The following AAR2 variants were observed in gnomAD, a reference collection of about 807,000 sequenced individuals.
The protein encoded by AAR2 is protein AAR2 homolog.
Under a neutral mutation model 26.9 loss-of-function variants are expected in AAR2, and 31 were observed. The observed-to-expected ratio is 1.15, with a 90% CI of 0.86 to 1.55. AAR2 has a LOEUF of 1.55. Ranked by LOEUF, AAR2 falls within the 40% of genes most tolerant of loss-of-function variation. AAR2 has a pLI of 0.00. For synonymous variants in AAR2, 188 were observed against 196.1 expected (o/e 0.96, Z 0.34); for missense variants, 430 against 491.3 (o/e 0.88, Z 1.18).
chr20:36,243,416 C>G (rs946421191), intron 2 of AAR2, among the ~76,000 whole-genome samples: 13 of 152,194 alleles, frequency 8.5e-5, no homozygotes, highest in African/African-American at 3.1e-4. Flanking sequence ...GTTCCGTATG[C>G]TTAGGAACAG....
intron 2 of AAR2, among the ~76,000 whole-genome samples, chr20:36,242,270 G>A (rs1456740387): frequency 1.3e-5 from 2 of 151,108 alleles, no homozygotes; most frequent in Non-Finnish European, 2.9e-5. Flanking sequence ...TTCTGCCTCG[G>A]CTTCCCAAAG....
intron 3 of AAR2, among the ~76,000 whole-genome samples, chr20:36,249,849 T>A (rs568079965): frequency 1.3e-5 from 2 of 152,348 alleles, no homozygotes; most frequent in Admixed American, 6.5e-5. Context: ...GAGCCCCAGA[T>A]GAAACATCCC....
intron 3 of AAR2, among the ~76,000 whole-genome samples, chr20:36,254,234 T>C (rs921262281): frequency 2.0e-5 from 3 of 152,244 alleles, no homozygotes; most frequent in African/African-American, 2.4e-5. Flanking sequence ...ATGTGGTATC[T>C]GCATACAACA....
At chr20:36,248,659 A>G (rs2064757648) in intron 3 of AAR2, among the ~76,000 whole-genome samples, 1 of 152,112 alleles carries the variant, frequency 6.6e-6, no homozygotes, top group African/African-American at 2.4e-5. Context: ...GGGTGTTTTT[A>G]GATGGATAGA....
chr20:36,244,415 G>T (rs1320404672), intron 2 of AAR2, among the ~76,000 whole-genome samples: 1 of 152,180 alleles, frequency 6.6e-6, no homozygotes. Context: ...AACTTAAAAT[G>T]CCAGGCAAAT....
chr20:36,254,196 G>A (rs935899069), intron 3 of AAR2, among the ~76,000 whole-genome samples: 2 of 152,120 alleles, frequency 1.3e-5, no homozygotes, highest in African/African-American at 4.8e-5. Context: ...AACACAAATA[G>A]GCATTGACAG....
intron 1 of AAR2, 77 bp downstream of exon 1, chr20:36,236,580 C>T (rs556838210): frequency 2.6e-5 from 4 of 152,418 alleles, no homozygotes; most frequent in African/African-American, 9.6e-5. Context: ...CTCTTCTCGG[C>T]TCAGAGTCAC....
chr20:36,237,296 T>G lies in AAR2; in HGVS notation c.-49+793T>G, dbSNP rs918293911. Among the ~76,000 whole-genome samples, 3 of 152,106 alleles carry G rather than the reference T, an allele frequency of 2.0e-5. No homozygotes were observed. In the South Asian group the frequency reaches 6.2e-4, roughly 32 times the overall value. On this transcript the variant is annotated intron_variant, in intron 1 of 3. Coordinates refer to ENST00000320849, the MANE Select transcript of AAR2 (RefSeq NM_001271874.2). ...CACTCAGAAGCTGACATGGGTGGTG[T>G]TGTGATTAGATTGGCATTTTGAAAA...
intron 2 of AAR2, among the ~76,000 whole-genome samples, chr20:36,243,313 A>G (rs2064702251): frequency 6.6e-6 from 1 of 152,264 alleles, no homozygotes; most frequent in Non-Finnish European, 1.5e-5. Flanking sequence ...TCATTAACCT[A>G]TATTATACAA....
chr20:36,237,080 G>T (rs1414893024), intron 1 of AAR2, among the ~76,000 whole-genome samples: 1 of 152,190 alleles, frequency 6.6e-6, no homozygotes, highest in African/African-American at 2.4e-5. Flanking sequence ...TTGACAAAGT[G>T]GGGAGGGAAG....
chr20:36,254,114 C>T (rs1371299752), intron 3 of AAR2, among the ~76,000 whole-genome samples: 1 of 152,178 alleles, frequency 6.6e-6, no homozygotes, highest in Non-Finnish European at 1.5e-5. Flanking sequence ...GAACTGAAAG[C>T]AGAGACCCTA....
intron 2 of AAR2, among the ~76,000 whole-genome samples, chr20:36,243,411 G>C (rs556654560): frequency 6.6e-6 from 1 of 152,286 alleles, no homozygotes; most frequent in African/African-American, 2.4e-5. Flanking sequence ...ACTTAGTTCC[G>C]TATGCTTAGG....
Position 36,240,331 on chromosome 20 carries a change from A to T in AAR2, c.463A>T (p.Ile155Phe). 1 of 1,614,190 alleles carries T rather than the reference A, an allele frequency of 6.2e-7. No homozygotes were observed. The highest frequency in any genetic ancestry group is 1.3e-5 in the African/African-American group (1 of 75,032). ...GAAGCTACAGCCCGAGAATCGACAG[A>T]TCTGTGCCTTTTCCGATGTGCTACC... ...VEKLQPENRQ[I>F]CAFSDVLPVL... Residue 155 changes from isoleucine to phenylalanine, a missense_variant, in exon 2 of 4, where the codon ATC becomes TTC. By Grantham distance (21) the Ile-to-Phe change is conservative (BLOSUM62 0). Coordinates refer to ENST00000320849, the MANE Select transcript of AAR2 (RefSeq NM_001271874.2).
At chr20:36,242,118 A>C (rs1278857735) in intron 2 of AAR2, among the ~76,000 whole-genome samples, 1 of 149,412 alleles carries the variant, frequency 6.7e-6, no homozygotes, top group African/African-American at 2.5e-5. Flanking sequence ...TTGGAAGTTC[A>C]GTGAGAAATT....
At position 36,239,916 on chromosome 20, in the gene AAR2, T is replaced by G; in HGVS notation, c.48T>G (p.Phe16Leu). 6.2e-7 allele frequency: 1 copy of G among 1,609,782 alleles called. No individual in the cohort carries two copies. Among genetic ancestry groups the G allele is most frequent in the Non-Finnish European group, 8.5e-7 (1 of 1,176,474 alleles). Reference sequence around the variant, plus strand: ...CTGAGCTAGCCAAGCGCCTCTTCTTTGAAGGGGCCACTGTGGTCATCCTGA... The same window carrying G: ...CTGAGCTAGCCAAGCGCCTCTTCTTGGAAGGGGCCACTGTGGTCATCCTGA... Reference protein sequence around the residue: ...MDPELAKRLFFEGATVVILNM... With the variant: ...MDPELAKRLFLEGATVVILNM... The change falls in exon 2 of 4, where the codon TTT becomes TTG. Residue 16 changes from phenylalanine to leucine, a missense_variant. Phe to Leu is a conservative substitution (Grantham distance 22, BLOSUM62 0). Transcript: ENST00000320849.
chr20:36,247,302 C>T (rs1006147115), intron 3 of AAR2, among the ~76,000 whole-genome samples: 3 of 152,156 alleles, frequency 2.0e-5, no homozygotes, highest in Admixed American at 2.0e-4. Flanking sequence ...TACCAGCCTC[C>T]GTGCTTACCA....
intron 3 of AAR2, among the ~76,000 whole-genome samples, chr20:36,252,239 G>A (rs1243287310): frequency 6.6e-6 from 1 of 152,162 alleles, no homozygotes; most frequent in Non-Finnish European, 1.5e-5. Context: ...TATCACTATT[G>A]AACAGCTATT....
At chr20:36,248,791 A>G (rs1036021856) in intron 3 of AAR2, among the ~76,000 whole-genome samples, 3 of 152,070 alleles carry the variant, frequency 2.0e-5, no homozygotes, top group African/African-American at 7.2e-5. Flanking sequence ...TTGAGGCTTT[A>G]TGCAAGGGTG....
At chr20:36,245,022 A>T in intron 3 of AAR2, 96 bp downstream of exon 3, 1 of 1,139,038 alleles carries the variant, frequency 8.8e-7, no homozygotes, top group Non-Finnish European at 1.3e-6. Flanking sequence ...TGACCCCAAA[A>T]TTTTTAAATT....
Sources: allele counts gnomAD v4.1 joint callset (sites outside exome capture counted in the v4.1 genomes callset), GRCh38; gene constraint gnomAD v4.1.1; transcripts MANE v1.5; gene names NCBI Gene and HGNC (gene_info 2026-07-23, HGNC 2026-07-21).